The following STK40 variants were observed in gnomAD, a reference collection of about 807,000 sequenced individuals.
STK40 encodes serine/threonine-protein kinase 40.
STK40 carries 13 observed loss-of-function variants against 47.9 expected under a neutral mutation model. The observed-to-expected ratio is 0.27, with a 90% confidence interval of 0.18 to 0.43. STK40 has a LOEUF of 0.43. STK40 is among the 20% of genes least tolerant of loss of function. The probability of loss-of-function intolerance (pLI) is 1.00; values close to 1 mark genes in which losing one functional copy is unlikely to be tolerated. For missense variants in STK40, 460 were observed against 595.1 expected, an observed-to-expected ratio of 0.77 and a Z score of 2.36; for synonymous variants, 225 against 243.2, an observed-to-expected ratio of 0.93 and a Z score of 0.69.
chr1:36,381,522 C>G (rs1040429054), intron 1 of STK40, among the ~76,000 whole-genome samples: 1 of 152,198 alleles, frequency 6.6e-6, no homozygotes, highest in Non-Finnish European at 1.5e-5. Context: ...ACTCTGTTGT[C>G]CAGGCTCGAG....
chr1:36,368,848 CA>C (rs1274576592), intron 1 of STK40, among the ~76,000 whole-genome samples: 1 of 152,212 alleles, frequency 6.6e-6, no homozygotes, highest in Non-Finnish European at 1.5e-5. Context: ...CCTGAACTTG[CA>C]AATTGCATTG....
chr1:36,347,050 C>T (rs1646709022), intron 7 of STK40, among the ~76,000 whole-genome samples: 1 of 152,192 alleles, frequency 6.6e-6, no homozygotes, highest in Admixed American at 6.5e-5. Flanking sequence ...ACCAAAACCC[C>T]CAGGTCTGGG....
rs1320136516 is a variant in STK40, at chr1:36,354,216, T to A, written c.623+148A>T. On this transcript the variant is annotated intron_variant, in intron 6 of 10. Coordinates refer to ENST00000373132, the MANE Select transcript of STK40 (RefSeq NM_001282547.2). ...AGCAAGCCCCCAATTCCCATGTTCATCCCATCCCGAGCCCTGGGATTCCTG... is the reference window on the plus strand; with the variant it reads ...AGCAAGCCCCCAATTCCCATGTTCAACCCATCCCGAGCCCTGGGATTCCTG... 1.1e-5 allele frequency: 9 copies of A among 785,964 alleles called. No individual in the cohort carries two copies. In the East Asian group the frequency reaches 2.3e-4, roughly 20 times the overall value. 48.7% of individuals were successfully genotyped at this position (785,964 alleles called of 1,614,324 possible).
rs1307615029 is a variant in STK40, at chr1:36,359,405, C to CA, written c.113-584dup. On this transcript the variant is annotated intron_variant, in intron 2 of 10. Transcript: ENST00000373132. ...AGGGCAACAGAACAAAGCCCTGCCT[C>CA]AAAAAAATCAACAAAACCCAAGAGA... 3.9e-5 allele frequency among the ~76,000 whole-genome samples: 6 copies of CA among 152,086 alleles called. No homozygotes were observed. In the East Asian group the frequency reaches 1.2e-3, roughly 29 times the overall value.
At position 36,358,265 on chromosome 1, in the gene STK40, C is replaced by T; in HGVS notation, c.316G>A (p.Val106Met). The T allele has an allele frequency of 1.9e-6, 3 of 1,598,386 alleles. No homozygotes were observed. The highest frequency in any genetic ancestry group is 2.3e-5 in the East Asian group (1 of 44,380). ...TGGAAGAGGCCGTGGTGGTGCACCA[C>T]GCCATCCTGCGTGTGCAGGAGAGAC... ...LLSLLHTQDG[V>M]VHHHGLFQDR... Residue 106 changes from valine to methionine, a missense_variant, in exon 4 of 11, where the codon GTG (valine) becomes ATG (methionine). Around this residue, in one of 3 missense-constraint regions of STK40, gnomAD observed 277 missense variants for 358.7 expected, o/e 0.77. Coordinates refer to ENST00000373132, the MANE Select transcript of STK40 (RefSeq NM_001282547.2).
chr1:36,343,166 G>GC (rs1304315108), intron 10 of STK40, 198 bp downstream of exon 10: 1 of 719,750 alleles, frequency 1.4e-6, no homozygotes. Flanking sequence ...AAGATCTCCA[G>GC]CTACACCAAG....
chr1:36,349,742 C>G (rs558425781), intron 6 of STK40, among the ~76,000 whole-genome samples: 1 of 150,270 alleles, frequency 6.7e-6, no homozygotes. Flanking sequence ...CCGAGAGGAC[C>G]CTTACACCTT....
At chr1:36,360,498 T>C (rs1168434515) in intron 2 of STK40, among the ~76,000 whole-genome samples, 1 of 151,024 alleles carries the variant, frequency 6.6e-6, no homozygotes, top group Non-Finnish European at 1.5e-5. Context: ...GGATGATAGA[T>C]CTTGGGTTTT....
intron 1 of STK40, among the ~76,000 whole-genome samples, chr1:36,381,065 T>C (rs1647035805): frequency 6.6e-6 from 1 of 152,130 alleles, no homozygotes; most frequent in African/African-American, 2.4e-5. Flanking sequence ...CAGAGTCCAG[T>C]TGATTTCCCC....
chr1:36,369,837 C>T (rs1161446662), intron 1 of STK40, among the ~76,000 whole-genome samples: 1 of 152,242 alleles, frequency 6.6e-6, no homozygotes, highest in Non-Finnish European at 1.5e-5. Flanking sequence ...GAAGAGAACA[C>T]AGTGTGGGGC....
Position 36,348,834 on chromosome 1 carries a change from G to A in STK40, c.624-19C>T, listed in dbSNP as rs1202432195. ...ATGTGTCCTAGGAGTGGGAGACAGAGTGAACAAACCTCAGTGTCTATAGCA... is the reference window on the plus strand; with the variant it reads ...ATGTGTCCTAGGAGTGGGAGACAGAATGAACAAACCTCAGTGTCTATAGCA... On this transcript the variant is annotated intron_variant, in intron 6 of 10. Coordinates refer to ENST00000373132, the MANE Select transcript of STK40 (RefSeq NM_001282547.2). 2 of 1,580,342 alleles carry A rather than the reference G, an allele frequency of 1.3e-6. No individual in the cohort carries two copies. The highest frequency in any genetic ancestry group is 1.7e-6 in the Non-Finnish European group (2 of 1,161,156).
intron 1 of STK40, among the ~76,000 whole-genome samples, chr1:36,377,532 CAAAAAAAAAAAA>C (rs746089027): frequency 8.5e-5 from 3 of 35,488 alleles, no homozygotes; most frequent in South Asian, 1.0e-3. Flanking sequence ...GACTCCGTCT[CAAAAAAAAAAAA>C]AAAAAAAAAA....
intron 6 of STK40, among the ~76,000 whole-genome samples, chr1:36,351,952 T>C (rs547558172): frequency 1.3e-5 from 2 of 152,328 alleles, no homozygotes; most frequent in East Asian, 1.9e-4. Flanking sequence ...CAGATGGATT[T>C]AGGTGCCCAA....
chr1:36,380,431 C>T (rs2124754223), intron 1 of STK40, among the ~76,000 whole-genome samples: 1 of 152,290 alleles, frequency 6.6e-6, no homozygotes, highest in African/African-American at 2.4e-5. Context: ...GCTTTCTCTC[C>T]CTTCCCTGAA....
At chr1:36,378,544 C>T (rs1276598297) in intron 1 of STK40, among the ~76,000 whole-genome samples, 2 of 152,004 alleles carry the variant, frequency 1.3e-5, no homozygotes, top group Middle Eastern at 3.2e-3. Flanking sequence ...CTGCAACCTC[C>T]GCCTCCTGGG....
At position 36,341,521 on chromosome 1, in the gene STK40, G is replaced by C. The variant is rs1646647057; in HGVS notation, c.*234C>G. 1 of 572,348 alleles carries C rather than the reference G, an allele frequency of 1.7e-6. No homozygotes were observed. The highest frequency in any genetic ancestry group is 1.9e-5 in the African/African-American group (1 of 53,338). The allele number at this position is 572,348 out of a possible 1,614,324, so 35.5% of individuals were successfully genotyped here. On this transcript the variant is annotated 3_prime_UTR_variant, in exon 11 of 11. Transcript: ENST00000373132. ...GATTAAAACATCGTGATTAAAAGCA[G>C]ATTAGTTATCTAGGCTTCTCAGATT... is the stretch of plus-strand genomic sequence containing the variant.
chr1:36,348,465 ATCCCGTTCC>A (rs1251325711), intron 7 of STK40, among the ~76,000 whole-genome samples: 1 of 152,222 alleles, frequency 6.6e-6, no homozygotes, highest in Non-Finnish European at 1.5e-5. Flanking sequence ...TCTCACAGCA[ATCCCGTTCC>A]TCCCTAGCAC....
chr1:36,344,401 G>T, intron 7 of STK40, 137 bp from the exon 8 acceptor site: 1 of 1,153,308 alleles, frequency 8.7e-7, no homozygotes, highest in Non-Finnish European at 1.2e-6. Flanking sequence ...GCTCCTGCCC[G>T]TGCTCCCCGC....
At chr1:36,362,821 C>CT (rs1408125118) in intron 1 of STK40, among the ~76,000 whole-genome samples, 2 of 152,302 alleles carry the variant, frequency 1.3e-5, no homozygotes, top group Admixed American at 1.3e-4. Flanking sequence ...GTGGACCACA[C>CT]TGTAATGCTA....
Sources: gnomAD v4.1 joint callset for allele counts (sites outside exome capture counted in the v4.1 genomes callset) on GRCh38, gnomAD v4.1.1 for gene constraint, gnomAD v4.1.1 regional missense constraint, MANE v1.5 for transcripts, NCBI Gene and HGNC (gene_info 2026-07-23, HGNC 2026-07-21) for gene names.